Variants in ARID5B observed in about 807,000 individuals in gnomAD.
The protein encoded by ARID5B is AT-rich interaction domain 5B.
In ARID5B, 13 loss-of-function variants were observed where a neutral mutation model predicts 97.2. That is an observed-to-expected ratio of 0.13 (90% confidence interval 0.09 to 0.21). The LOEUF (loss-of-function observed/expected upper bound fraction) is 0.21, where lower values mean the gene tolerates loss of function less well. ARID5B is among the 10% of genes least tolerant of loss of function. ARID5B has a pLI of 1.00. For synonymous variants in ARID5B, 556 were observed against 570.3 expected (o/e 0.97, Z 0.36); for missense variants, 1,210 against 1,465.3 (o/e 0.83, Z 2.84).
chr10:62,084,142 T>G (rs1346801320), intron 8 of ARID5B, among the ~76,000 whole-genome samples: 1 of 152,326 alleles, frequency 6.6e-6, no homozygotes, highest in East Asian at 1.9e-4. Flanking sequence ...AACTGCCAGA[T>G]GTAGGGCTCC....
chr10:62,036,552 A>G (rs1265100379), intron 4 of ARID5B, among the ~76,000 whole-genome samples: 1 of 152,140 alleles, frequency 6.6e-6, no homozygotes. Context: ...CGCTTCATGC[A>G]CTCCAAGTGA....
chr10:61,907,172 A>T (rs1843721439), intron 2 of ARID5B, among the ~76,000 whole-genome samples: 1 of 152,234 alleles, frequency 6.6e-6, no homozygotes, highest in Non-Finnish European at 1.5e-5. Flanking sequence ...TCACCAAAAT[A>T]AAAAGTGTCT....
chr10:62,044,375 CT>C (rs10586947), intron 4 of ARID5B, among the ~76,000 whole-genome samples: 59,253 of 129,138 alleles, frequency 0.46, 14,091 homozygotes, highest in Non-Finnish European at 0.56. Flanking sequence ...TTCATTTGCT[CT>C]TTTTTTTTTT....
chr10:62,053,661 T>C (rs200973318), intron 5 of ARID5B, among the ~76,000 whole-genome samples: 5 of 152,188 alleles, frequency 3.3e-5, no homozygotes, highest in African/African-American at 1.2e-4. Context: ...AAGGCCTACA[T>C]TGATAGAAGG....
At chr10:62,078,350 G>A (rs768640147) in intron 8 of ARID5B, among the ~76,000 whole-genome samples, 5 of 152,170 alleles carry the variant, frequency 3.3e-5, no homozygotes, top group Non-Finnish European at 5.9e-5. Context: ...ATAGCCACGT[G>A]CAGTGACGCA....
At chr10:62,060,623 G>C (rs1432540700) in intron 7 of ARID5B, among the ~76,000 whole-genome samples, 1 of 152,014 alleles carries the variant, frequency 6.6e-6, no homozygotes, top group Admixed American at 6.5e-5. Context: ...AAAATCTTGA[G>C]CTAATTATAG....
At chr10:61,937,977 A>G (rs1042147508) in intron 2 of ARID5B, among the ~76,000 whole-genome samples, 6 of 152,296 alleles carry the variant, frequency 3.9e-5, no homozygotes, top group Non-Finnish European at 7.3e-5. Context: ...GTGAATCCAC[A>G]GTAAAACATA....
At chr10:61,929,712 T>C (rs1040858935) in intron 2 of ARID5B, among the ~76,000 whole-genome samples, 7 of 152,186 alleles carry the variant, frequency 4.6e-5, no homozygotes, top group Non-Finnish European at 7.3e-5. Flanking sequence ...TTATTCCCTT[T>C]GAGGGAATTA....
chr10:61,999,939 G>A (rs1282436200), intron 3 of ARID5B, 152 bp from the exon 4 acceptor site: 2 of 745,760 alleles, frequency 2.7e-6, no homozygotes, highest in African/African-American at 1.8e-5. Context: ...GGGTGAAGTG[G>A]GGCTGGGAGG....
At chr10:62,058,620 G>T (rs1839885704) in intron 6 of ARID5B, among the ~76,000 whole-genome samples, 1 of 152,154 alleles carries the variant, frequency 6.6e-6, no homozygotes, top group Non-Finnish European at 1.5e-5. Context: ...GGACTAAGTG[G>T]GTTCATGATT....
At chr10:62,087,670 T>C (rs1226115079) in intron 9 of ARID5B, among the ~76,000 whole-genome samples, 1 of 152,150 alleles carries the variant, frequency 6.6e-6, no homozygotes, top group African/African-American at 2.4e-5. Flanking sequence ...GCTCCATAAT[T>C]AAACACTGGT....
At chr10:62,018,568 C>T (rs1450203895) in intron 4 of ARID5B, among the ~76,000 whole-genome samples, 3 of 150,190 alleles carry the variant, frequency 2.0e-5, no homozygotes, top group African/African-American at 7.4e-5. Flanking sequence ...TGGCATGAGA[C>T]GCGTTCCTGA....
intron 2 of ARID5B, among the ~76,000 whole-genome samples, chr10:61,925,278 T>G (rs1844084110): frequency 6.6e-6 from 1 of 152,088 alleles, no homozygotes; most frequent in African/African-American, 2.4e-5. Flanking sequence ...GGGTGGTGGT[T>G]GGGTTTGGGC....
At chr10:61,990,292 T>C (rs1286899985) in intron 3 of ARID5B, among the ~76,000 whole-genome samples, 1 of 152,230 alleles carries the variant, frequency 6.6e-6, no homozygotes, top group Non-Finnish European at 1.5e-5. Context: ...ACTTAGAGCA[T>C]GGTGGACAAA....
chr10:62,069,314 G>C (rs1169104979), intron 7 of ARID5B, among the ~76,000 whole-genome samples: 1 of 152,160 alleles, frequency 6.6e-6, no homozygotes, highest in Non-Finnish European at 1.5e-5. Context: ...TGTTAATGTT[G>C]ATTCATCTAA....
chr10:61,995,275 G>C (rs1029366659), intron 3 of ARID5B, among the ~76,000 whole-genome samples: 3 of 152,140 alleles, frequency 2.0e-5, no homozygotes, highest in Admixed American at 6.5e-5. Flanking sequence ...AATTGGAAGG[G>C]TGAAAATATC....
chr10:62,027,685 T>A (rs1839440659), intron 4 of ARID5B, among the ~76,000 whole-genome samples: 1 of 152,008 alleles, frequency 6.6e-6, no homozygotes. Flanking sequence ...TTTTTTAACT[T>A]CTTGCACTCG....
chr10:61,915,349 G>T (rs553576529), intron 2 of ARID5B, among the ~76,000 whole-genome samples: 22 of 152,340 alleles, frequency 1.4e-4, no homozygotes, highest in Non-Finnish European at 2.2e-4. Flanking sequence ...CTGTGATGTG[G>T]TCAAGGGGAT....
chr10:62,083,406 T>G (rs1363621702), intron 8 of ARID5B, among the ~76,000 whole-genome samples: 1 of 150,466 alleles, frequency 6.6e-6, no homozygotes. Context: ...TTAGCACCCA[T>G]CTAGAGAGCC....
Sources: allele counts gnomAD v4.1 joint callset (sites outside exome capture counted in the v4.1 genomes callset), GRCh38; gene constraint gnomAD v4.1.1; transcripts MANE v1.5; gene names NCBI Gene and HGNC (gene_info 2026-07-23, HGNC 2026-07-21).